The following OPRM1 variants were observed in gnomAD, a reference collection of about 807,000 sequenced individuals.
The protein encoded by OPRM1 is opioid receptor mu 1.
A neutral mutation model predicts 31.8 loss-of-function variants in OPRM1; 27 were observed. The observed-to-expected ratio is 0.85, with a 90% CI of 0.63 to 1.17. The LOEUF (loss-of-function observed/expected upper bound fraction) is 1.17, where lower values mean the gene tolerates loss of function less well. Among genes scored for constraint, OPRM1 ranks in the 50% most tolerant of loss-of-function variants. OPRM1 has a pLI of 0.00. For synonymous variants in OPRM1, 196 were observed against 189.9 expected (o/e 1.03, Z -0.26); for missense variants, 536 against 511.1 (o/e 1.05, Z -0.47).
At chr6:154,117,373 A>ACT in intron 3 of OPRM1, among the ~76,000 whole-genome samples, 1 of 152,228 alleles carries the variant, frequency 6.6e-6, no homozygotes, top group Non-Finnish European at 1.5e-5. Flanking sequence ...CTTTGCCACA[A>ACT]CTCTATAGGT....
At chr6:154,092,589 G>T (rs552096872) in intron 3 of OPRM1, among the ~76,000 whole-genome samples, 1 of 152,152 alleles carries the variant, frequency 6.6e-6, no homozygotes, top group Admixed American at 6.5e-5. Flanking sequence ...GGAGGCCTTT[G>T]CCACCACAGG....
intron 1 of OPRM1, among the ~76,000 whole-genome samples, chr6:154,089,355 G>A (rs540857057): frequency 1.3e-5 from 2 of 152,188 alleles, no homozygotes; most frequent in African/African-American, 4.8e-5. Flanking sequence ...GGGAGGCCGA[G>A]GAGGGAGGAC....
chr6:154,059,711 C>T (rs748005188), intron 1 of OPRM1, among the ~76,000 whole-genome samples: 4 of 152,192 alleles, frequency 2.6e-5, no homozygotes, highest in Non-Finnish European at 5.9e-5. Flanking sequence ...AACAAATACT[C>T]ATGTGACATA....
chr6:154,097,929 T>A (rs1186407419), intron 3 of OPRM1, among the ~76,000 whole-genome samples: 1 of 152,162 alleles, frequency 6.6e-6, no homozygotes, highest in Non-Finnish European at 1.5e-5. Flanking sequence ...AAGGTCATAG[T>A]TAAAATGTAG....
intron 3 of OPRM1, among the ~76,000 whole-genome samples, chr6:154,244,994 A>G (rs1780912347): frequency 6.6e-6 from 1 of 152,158 alleles, no homozygotes. Flanking sequence ...CCCAAAACAA[A>G]GGCCTGAAAT....
intron 1 of OPRM1, among the ~76,000 whole-genome samples, chr6:154,022,883 G>C (rs1361314680): frequency 6.6e-6 from 1 of 152,108 alleles, no homozygotes; most frequent in East Asian, 1.9e-4. Flanking sequence ...TTGTTTCTGG[G>C]TTCTCTATTC....
intron 3 of OPRM1, among the ~76,000 whole-genome samples, chr6:154,194,995 T>C (rs1776468712): frequency 6.6e-6 from 1 of 152,146 alleles, no homozygotes; most frequent in South Asian, 2.1e-4. Flanking sequence ...TTCACCCTGA[T>C]AGGCATGCTG....
intron 3 of OPRM1, chr6:154,155,239 G>A (rs572675682): frequency 6.6e-6 from 1 of 152,236 alleles, no homozygotes; most frequent in South Asian, 2.1e-4. Flanking sequence ...ATTTCATACA[G>A]GCTGCAAACA....
rs375295570 is a variant in OPRM1, at chr6:154,081,375, G to A, written c.291-8451G>A. Among the ~76,000 whole-genome samples the A allele has an allele frequency of 4.7e-3, 718 of 152,226 alleles. 6 individuals carry two copies. The highest frequency in any genetic ancestry group is 0.016 in the African/African-American group (673 of 41,542). On this transcript the variant is annotated intron_variant, in intron 1 of 3. Coordinates refer to ENST00000330432, the MANE Select transcript of OPRM1 (RefSeq NM_000914.5). ...AAAAAAAGTAGCCAGGCGTGGTGGC[G>A]GGCGCCTGTAGTCCCAGCTACTGGG...
chr6:154,100,278 G>T (rs1794613077), intron 3 of OPRM1, among the ~76,000 whole-genome samples: 4 of 146,634 alleles, frequency 2.7e-5, no homozygotes, highest in African/African-American at 5.0e-5. Context: ...ATCATATTAT[G>T]ACATATATCA....
At chr6:154,062,118 T>C (rs1784547414) in intron 1 of OPRM1, among the ~76,000 whole-genome samples, 1 of 152,180 alleles carries the variant, frequency 6.6e-6, no homozygotes, top group Non-Finnish European at 1.5e-5. Flanking sequence ...TTTTAGTTTT[T>C]ATATAGTTCA....
chr6:154,125,410 G>A lies in OPRM1; in HGVS notation c.*6689G>A, dbSNP rs1349859578. On this transcript the variant is annotated 3_prime_UTR_variant, in exon 4 of 4. Transcript: ENST00000330432. ...AGCAATAAACCTCTTCCATTACACA[G>A]GTTTAGATTCAGAGTTTTCTTGCTT... Among the ~76,000 whole-genome samples the A allele has an allele frequency of 2.6e-5, 4 of 152,124 alleles. No individual in the cohort carries two copies. Among genetic ancestry groups the A allele is most frequent in the African/African-American group, 7.2e-5 (3 of 41,422 alleles).
At chr6:154,221,200 G>A (rs1178570514) in intron 3 of OPRM1, 3 of 1,253,314 alleles carry the variant, frequency 2.4e-6, no homozygotes, top group South Asian at 2.5e-5. Flanking sequence ...TCCAGTACCA[G>A]GCTAAAGTTA....
chr6:154,159,785 T>A lies in OPRM1; in HGVS notation c.1164+68313T>A, dbSNP rs1172258120. ...TAAGCTTTTGCAACATCTTGAAGAG[T>A]TGCTTGTGATAAAATATAAGAGGAG... On this transcript the variant is annotated intron_variant, in intron 3 of 3. Coordinates refer to the OPRM1 transcript ENST00000337049. 4 of 1,462,878 alleles carry A rather than the reference T, an allele frequency of 2.7e-6. No individual in the cohort carries two copies. The East Asian group carries it at 9.1e-5, about 33-fold the overall frequency. The allele number at this position is 1,462,878 out of a possible 1,614,324, so 90.6% of individuals were successfully genotyped here.
In OPRM1 at chr6:154,168,635, T is replaced by C. The variant is rs1010121773; in HGVS notation, c.1164+77163T>C. 6.6e-6 allele frequency among the ~76,000 whole-genome samples: 1 copy of C among 152,142 alleles called. No homozygotes were observed. Among genetic ancestry groups the C allele is most frequent in the African/African-American group, 2.4e-5 (1 of 41,410 alleles). On this transcript the variant is annotated intron_variant, in intron 3 of 3. Transcript: ENST00000337049. This position sits in a 1 kb window ranked among gnomAD's most constrained non-coding sequence, Gnocchi z 4.1. ...TATTATTTTTTTTGAGACGGAGTTT[T>C]ACTGCTGTTGCCCAGGCTAAAGTGA...
At chr6:154,229,887 A>G (rs373461569) in intron 3 of OPRM1, among the ~76,000 whole-genome samples, 1 of 152,242 alleles carries the variant, frequency 6.6e-6, no homozygotes, top group Non-Finnish European at 1.5e-5. Context: ...TAATCATGAA[A>G]AGGAGCAAAC....
intron 1 of OPRM1, among the ~76,000 whole-genome samples, chr6:154,089,316 G>A (rs1293645125): frequency 6.6e-6 from 1 of 152,026 alleles, no homozygotes; most frequent in African/African-American, 2.4e-5. Context: ...ACTGCGTGTG[G>A]TGTCTCATGC....
At chr6:154,031,343 C>A (rs2128387470) in intron 1 of OPRM1, among the ~76,000 whole-genome samples, 1 of 152,250 alleles carries the variant, frequency 6.6e-6, no homozygotes, top group East Asian at 1.9e-4. Flanking sequence ...ACACTACTCT[C>A]CTGGCAACCA....
chr6:154,205,712 A>G (rs1777437182), intron 3 of OPRM1, among the ~76,000 whole-genome samples: 1 of 152,236 alleles, frequency 6.6e-6, no homozygotes, highest in Admixed American at 6.5e-5. Context: ...TGTATTGTAG[A>G]AATATTTCAG....
Sources: gnomAD v4.1 joint callset for allele counts (sites outside exome capture counted in the v4.1 genomes callset) on GRCh38, gnomAD v4.1.1 for gene constraint, Gnocchi (gnomAD v3.1) non-coding constraint, MANE v1.5 for transcripts, NCBI Gene and HGNC (gene_info 2026-07-23, HGNC 2026-07-21) for gene names.